Variants in SCAPER observed in about 807,000 individuals in gnomAD.
The protein encoded by SCAPER is S phase cyclin A-associated protein in the endoplasmic reticulum.
A neutral mutation model predicts 182.2 loss-of-function variants in SCAPER; 98 were observed. The observed-to-expected ratio is 0.54, with a 90% confidence interval of 0.46 to 0.64. The LOEUF (loss-of-function observed/expected upper bound fraction) is 0.64, where lower values mean the gene tolerates loss of function less well. SCAPER is among the 30% of genes least tolerant of loss of function. The pLI is 0.00. For missense variants in SCAPER, 1,432 were observed against 1,690.0 expected (o/e 0.85, Z 2.68); for synonymous variants, 605 against 564.6 (o/e 1.07, Z -1.01).
intron 23 of SCAPER, among the ~76,000 whole-genome samples, chr15:76,545,789 G>C (rs975527003): frequency 6.6e-6 from 1 of 152,064 alleles, no homozygotes; most frequent in Non-Finnish European, 1.5e-5. Context: ...GGAATATGTG[G>C]AACAGAATAC....
intron 28 of SCAPER, chr15:76,380,143 G>A (rs1428036095): frequency 1.3e-5 from 2 of 152,244 alleles, no homozygotes; most frequent in African/African-American, 4.8e-5. Context: ...TTTCCAGACA[G>A]AATACGGTGG....
chr15:76,463,651 C>T (rs971678645), intron 25 of SCAPER, among the ~76,000 whole-genome samples: 1 of 152,042 alleles, frequency 6.6e-6, no homozygotes, highest in Non-Finnish European at 1.5e-5. Context: ...ATATTTAATG[C>T]CTTTTAAAAT....
Position 76,604,363 on chromosome 15 carries a change from T to TG in SCAPER, c.2711+17400dup, listed in dbSNP as rs1192477207. Among the ~76,000 whole-genome samples the TG allele has an allele frequency of 1.7e-5, 2 of 120,470 alleles. 1 individual carries two copies. Among genetic ancestry groups the TG allele is most frequent in the Non-Finnish European group, 4.0e-5 (2 of 49,670 alleles). The allele number at this position is 120,470 out of a possible 152,430, so 79.0% of individuals were successfully genotyped here. ...TATGCGGCATTATTTCTGAGGGCTC[T>TG]GTTCTGTTCCATTGGTCTATATCTC... On this transcript the variant is annotated intron_variant, in intron 22 of 31. Coordinates refer to ENST00000563290, the MANE Select transcript of SCAPER (RefSeq NM_020843.4).
At chr15:76,720,306 A>G (rs1183332773) in intron 17 of SCAPER, among the ~76,000 whole-genome samples, 17 of 151,836 alleles carry the variant, frequency 1.1e-4, no homozygotes, top group Non-Finnish European at 2.1e-4. Flanking sequence ...TATGTGCCAC[A>G]TTTTCTTAAT....
intron 21 of SCAPER, among the ~76,000 whole-genome samples, chr15:76,644,761 T>A (rs1186190711): frequency 6.6e-6 from 1 of 152,152 alleles, no homozygotes; most frequent in African/African-American, 2.4e-5. Context: ...TATTTTTTTA[T>A]ACAAAGATAT....
intron 23 of SCAPER, among the ~76,000 whole-genome samples, chr15:76,527,885 T>A (rs1257042176): frequency 1.3e-5 from 2 of 152,226 alleles, no homozygotes; most frequent in Non-Finnish European, 2.9e-5. Context: ...ATGTATAAAC[T>A]TACTGTGTCA....
chr15:76,436,631 T>C (rs1596609812), intron 25 of SCAPER, among the ~76,000 whole-genome samples: 1 of 152,170 alleles, frequency 6.6e-6, no homozygotes, highest in East Asian at 1.9e-4. Context: ...AGATTTTTTT[T>C]TTGTTTCTAA....
At chr15:76,466,834 A>T (rs1232990546) in intron 25 of SCAPER, among the ~76,000 whole-genome samples, 1 of 151,966 alleles carries the variant, frequency 6.6e-6, no homozygotes, top group Non-Finnish European at 1.5e-5. Context: ...CTGCTTTCTT[A>T]TTCAAGTGAT....
chr15:76,840,826 C>T (rs186580821), intron 5 of SCAPER, among the ~76,000 whole-genome samples: 24 of 152,226 alleles, frequency 1.6e-4, no homozygotes, highest in African/African-American at 5.5e-4. Context: ...GATAGAGACA[C>T]TCTACACCAT....
At chr15:76,818,133 A>T (rs2067234682) in intron 5 of SCAPER, among the ~76,000 whole-genome samples, 1 of 152,244 alleles carries the variant, frequency 6.6e-6, no homozygotes, top group South Asian at 2.1e-4. Context: ...GAGCTCAGAA[A>T]CAGACCCACA....
intron 15 of SCAPER, among the ~76,000 whole-genome samples, chr15:76,739,586 G>A (rs748626785): frequency 8.5e-5 from 13 of 152,146 alleles, no homozygotes; most frequent in Non-Finnish European, 1.6e-4. Flanking sequence ...AATGATTTAC[G>A]TCCGGGACAT....
At chr15:76,572,919 T>TCTCTCACACACACA (rs1477852757) in intron 23 of SCAPER, among the ~76,000 whole-genome samples, 2 of 135,174 alleles carry the variant, frequency 1.5e-5, no homozygotes, top group African/African-American at 5.6e-5. Flanking sequence ...TCTCTCTCTC[T>TCTCTCACACACACA]CACACACACA....
intron 22 of SCAPER, among the ~76,000 whole-genome samples, chr15:76,587,713 A>G (rs765399432): frequency 1.3e-5 from 2 of 152,066 alleles, no homozygotes; most frequent in Non-Finnish European, 2.9e-5. Context: ...TATGGTCTAC[A>G]TTGGATAAAT....
intron 7 of SCAPER, among the ~76,000 whole-genome samples, chr15:76,796,777 A>C (rs943179157): frequency 1.2e-4 from 18 of 152,234 alleles, no homozygotes; most frequent in African/African-American, 3.9e-4. Flanking sequence ...TGGTGCTTGA[A>C]TATATAAATA....
At chr15:76,746,460 GAAT>G (rs1201210763) in intron 15 of SCAPER, among the ~76,000 whole-genome samples, 1 of 152,148 alleles carries the variant, frequency 6.6e-6, no homozygotes, top group Non-Finnish European at 1.5e-5. Context: ...GGAAGATAAG[GAAT>G]AACAAATGGA....
chr15:76,886,248 G>A (rs2073833404), intron 1 of SCAPER, among the ~76,000 whole-genome samples: 1 of 152,220 alleles, frequency 6.6e-6, no homozygotes, highest in Non-Finnish European at 1.5e-5. Context: ...GGGAGGCCGA[G>A]GTGGGCAGAT....
chr15:76,850,961 T>A (rs1468792815), intron 4 of SCAPER, among the ~76,000 whole-genome samples: 3 of 147,164 alleles, frequency 2.0e-5, no homozygotes, highest in African/African-American at 7.5e-5. Flanking sequence ...GAAACTAAGA[T>A]CACAATAGGA....
rs1328208470 is a variant in SCAPER at position 76,597,034 on chromosome 15, T to C, written c.2712-22750A>G. ...AAGTCAAATTGTCTCTGTTTATAGA[T>C]GACATGACTGTATATTTAGAAAACC... is the stretch of plus-strand genomic sequence containing the variant. On this transcript the variant is annotated intron_variant, in intron 22 of 31. Transcript: ENST00000563290. 1.6e-5 allele frequency among the ~76,000 whole-genome samples: 2 copies of C among 121,866 alleles called. 1 individual carries two copies. The highest frequency in any genetic ancestry group is 4.0e-5 in the Non-Finnish European group (2 of 50,156). 79.9% of individuals were successfully genotyped at this position (121,866 alleles called of 152,430 possible). A position where few individuals can be genotyped will look rare whatever the true frequency, so the allele number is the denominator to read the frequency against.
chr15:76,860,973 T>C (rs2071816553), intron 3 of SCAPER, among the ~76,000 whole-genome samples: 1 of 152,084 alleles, frequency 6.6e-6, no homozygotes, highest in African/African-American at 2.4e-5. Flanking sequence ...AGAGTAACTG[T>C]ACCCCATTAA....
Sources: allele counts gnomAD v4.1 joint callset (sites outside exome capture counted in the v4.1 genomes callset), GRCh38; gene constraint gnomAD v4.1.1; transcripts MANE v1.5; gene names NCBI Gene and HGNC (gene_info 2026-07-23, HGNC 2026-07-21).